EPS15: variants seen among roughly 807,000 people sequenced by gnomAD.
EPS15 encodes epidermal growth factor receptor substrate 15.
A neutral mutation model predicts 113.8 loss-of-function variants in EPS15; 72 were observed. That is an observed-to-expected ratio of 0.63 (90% CI 0.52 to 0.77). The LOEUF is 0.77. Ranked by LOEUF, EPS15 falls within the 30% of genes least tolerant of loss-of-function variation. The probability of loss-of-function intolerance (pLI) is 0.00; values close to 1 mark genes in which losing one functional copy is unlikely to be tolerated. For synonymous variants in EPS15, 344 were observed against 363.4 expected (o/e 0.95, Z 0.61); for missense variants, 1,048 against 1,045.8 (o/e 1.00, Z -0.03).
At chr1:51,405,093 A>G (rs1250494300) in intron 16 of EPS15, among the ~76,000 whole-genome samples, 3 of 152,170 alleles carry the variant, frequency 2.0e-5, no homozygotes, top group African/African-American at 4.8e-5. Context: ...GCTTTCCCCA[A>G]CAAAATCTTT....
At chr1:51,380,057 GAAA>G (rs149612289) in intron 21 of EPS15, among the ~76,000 whole-genome samples, 3 of 130,636 alleles carry the variant, frequency 2.3e-5, no homozygotes, top group Admixed American at 7.8e-5. Context: ...CTGCTTCCAG[GAAA>G]AAAAAAAAAA....
chr1:51,430,915 C>T (rs114920921), intron 12 of EPS15, among the ~76,000 whole-genome samples: 21 of 151,404 alleles, frequency 1.4e-4, no homozygotes, highest in African/African-American at 4.8e-4. Context: ...CCCATGATCA[C>T]GCCACTGCTC....
chr1:51,485,567 A>C (rs995582614), intron 1 of EPS15, among the ~76,000 whole-genome samples: 1 of 152,168 alleles, frequency 6.6e-6, no homozygotes, highest in Non-Finnish European at 1.5e-5. Context: ...ATCTCCTTAA[A>C]AAAACAAACA....
At chr1:51,399,947 T>A (rs940307778) in intron 19 of EPS15, among the ~76,000 whole-genome samples, 2 of 152,190 alleles carry the variant, frequency 1.3e-5, no homozygotes, top group Non-Finnish European at 2.9e-5. Flanking sequence ...GCAATTTTGA[T>A]AAAAGATACA....
intron 16 of EPS15, among the ~76,000 whole-genome samples, chr1:51,404,788 G>GT (rs1253287210): frequency 6.6e-6 from 1 of 152,174 alleles, no homozygotes; most frequent in African/African-American, 2.4e-5. Context: ...CCCATAGAGT[G>GT]TGTTTTTAAA....
intron 8 of EPS15, among the ~76,000 whole-genome samples, chr1:51,450,485 G>C (rs1248050399): frequency 6.6e-6 from 1 of 151,712 alleles, no homozygotes; most frequent in African/African-American, 2.4e-5. Flanking sequence ...CCACCTATTT[G>C]ACAGTTACTC....
chr1:51,383,543 C>T (rs1263484021), intron 21 of EPS15, among the ~76,000 whole-genome samples: 1 of 152,142 alleles, frequency 6.6e-6, no homozygotes, highest in Non-Finnish European at 1.5e-5. Context: ...ATGTGCAGTT[C>T]ACAATAAGGT....
intron 21 of EPS15, among the ~76,000 whole-genome samples, chr1:51,388,759 C>G (rs1647168318): frequency 6.6e-6 from 1 of 152,186 alleles, no homozygotes; most frequent in Non-Finnish European, 1.5e-5. Context: ...CCTCCCAAGA[C>G]TAAACCAGGA....
chr1:51,388,411 T>C (rs373195273), intron 21 of EPS15, among the ~76,000 whole-genome samples: 3 of 151,738 alleles, frequency 2.0e-5, no homozygotes, highest in South Asian at 2.1e-4. Context: ...ATTAAAAGAA[T>C]TAGAAAAGCA....
chr1:51,422,057 T>A, intron 12 of EPS15, 199 bp from the exon 13 acceptor site: 4 of 1,208,712 alleles, frequency 3.3e-6, no homozygotes, highest in South Asian at 3.0e-5. Flanking sequence ...AAAAAAAAAA[T>A]TGCTTTCTCA....
At chr1:51,425,204 C>G (rs956291021) in intron 12 of EPS15, among the ~76,000 whole-genome samples, 3 of 152,170 alleles carry the variant, frequency 2.0e-5, no homozygotes, top group Admixed American at 6.5e-5. Flanking sequence ...TTTGAACCAT[C>G]AAGGAAAGCA....
In EPS15 at chr1:51,465,241, T is replaced by C. The variant is rs1439031720; in HGVS notation, c.375+20A>G. Reference sequence around the variant, plus strand: ...AGGAAGCAATGAAGGGGTGAGAGAATAGTTACAAAGTTTACTTACTTTTAC... The same window carrying C: ...AGGAAGCAATGAAGGGGTGAGAGAACAGTTACAAAGTTTACTTACTTTTAC... On this transcript the variant is annotated intron_variant, in intron 6 of 24. Coordinates refer to ENST00000371733, the MANE Select transcript of EPS15 (RefSeq NM_001981.3). 2 of 1,530,214 alleles carry C rather than the reference T, an allele frequency of 1.3e-6. No individual in the cohort carries two copies. The highest frequency in any genetic ancestry group is 1.4e-5 in the African/African-American group (1 of 72,924). The allele number at this position is 1,530,214 out of a possible 1,614,324, so 94.8% of individuals were successfully genotyped here. A position where few individuals can be genotyped will look rare whatever the true frequency, so the allele number is the denominator to read the frequency against.
rs568258416 is a variant in EPS15 at position 51,368,022 on chromosome 1, C to G, written c.2120-1993G>C. Among the ~76,000 whole-genome samples, 16 of 152,318 alleles carry G rather than the reference C, an allele frequency of 1.1e-4. No individual in the cohort carries two copies. In the South Asian group the frequency reaches 3.3e-3, roughly 32 times the overall value. ...TGGCACACGCCTGTAATCTCAGCTA[C>G]TCAGGAGGCTGAGGCAGGAGAATCA... On this transcript the variant is annotated intron_variant, in intron 21 of 24. Transcript: ENST00000371733.
At chr1:51,423,208 C>T (rs1412779058) in intron 12 of EPS15, 6 of 1,288,596 alleles carry the variant, frequency 4.7e-6, no homozygotes, top group East Asian at 5.5e-5. Context: ...GCTCACTAAC[C>T]GTTTGTCAGA....
intron 20 of EPS15, among the ~76,000 whole-genome samples, chr1:51,396,523 T>C (rs72694178): frequency 4.9e-4 from 74 of 152,290 alleles, no homozygotes; most frequent in Non-Finnish European, 7.8e-4. Flanking sequence ...TATTACTTCT[T>C]CTCTTTGAGA....
At chr1:51,407,544 G>A (rs1414861802) in intron 15 of EPS15, among the ~76,000 whole-genome samples, 1 of 152,064 alleles carries the variant, frequency 6.6e-6, no homozygotes, top group Non-Finnish European at 1.5e-5. Context: ...TTCATGTAGG[G>A]AAACCTGGAA....
intron 1 of EPS15, among the ~76,000 whole-genome samples, chr1:51,483,343 CTT>C (rs758939358): frequency 2.1e-4 from 32 of 151,806 alleles, no homozygotes; most frequent in Non-Finnish European, 4.7e-4. Context: ...ATAAATTAAA[CTT>C]TATCACAGGT....
At chr1:51,407,003 G>C (rs555929994) in intron 15 of EPS15, among the ~76,000 whole-genome samples, 1 of 152,256 alleles carries the variant, frequency 6.6e-6, no homozygotes, top group Admixed American at 6.5e-5. Flanking sequence ...GTAAGGAAGC[G>C]CAAAAGTGAA....
intron 1 of EPS15, among the ~76,000 whole-genome samples, chr1:51,517,723 T>C (rs770390157): frequency 2.6e-5 from 4 of 152,030 alleles, no homozygotes; most frequent in African/African-American, 7.3e-5. Flanking sequence ...CCACATTCCA[T>C]GTTAAAGGGT....
Sources: gnomAD v4.1 joint callset for allele counts (sites outside exome capture counted in the v4.1 genomes callset) on GRCh38, gnomAD v4.1.1 for gene constraint, MANE v1.5 for transcripts, NCBI Gene and HGNC (gene_info 2026-07-23, HGNC 2026-07-21) for gene names.